EML1: variants seen among roughly 807,000 people sequenced by gnomAD.
The protein encoded by EML1 is EMAP like 1, also known as echinoderm microtubule-associated protein-like 1.
Under a neutral mutation model 110.4 loss-of-function variants are expected in EML1, and 27 were observed. The ratio of observed to expected loss-of-function variants is 0.24; its 90% CI spans 0.18 to 0.34. EML1 has a LOEUF of 0.34. Among genes scored for constraint, EML1 ranks in the 10% least tolerant of loss-of-function variants. EML1 has a pLI of 1.00. For synonymous variants in EML1, 344 were observed against 385.8 expected, an observed-to-expected ratio of 0.89 and a Z score of 1.27; for missense variants, 741 against 1,030.9, an observed-to-expected ratio of 0.72 and a Z score of 3.85.
At chr14:99,773,856 C>T (rs1268991826) in exon 1 of EML1, 1 of 152,272 alleles carries the variant, frequency 6.6e-6, no homozygotes, top group Non-Finnish European at 1.5e-5. Context: ...TTGGAAATCC[C>T]CAGCCCATCT....
intron 1 of EML1, among the ~76,000 whole-genome samples, chr14:99,824,337 A>T (rs1216910550): frequency 1.3e-5 from 2 of 152,120 alleles, no homozygotes; most frequent in African/African-American, 4.8e-5. Context: ...TGTCTTATTT[A>T]TTTATTTTTT....
intron 16 of EML1, 73 bp from the exon 17 acceptor site, chr14:99,920,716 T>C: frequency 8.6e-7 from 1 of 1,163,946 alleles, no homozygotes; most frequent in Non-Finnish European, 1.2e-6. Flanking sequence ...ACAATTTTTA[T>C]TCATCCCACT....
intron 2 of EML1, among the ~76,000 whole-genome samples, chr14:99,862,487 C>T (rs1250130088): frequency 6.6e-6 from 1 of 152,196 alleles, no homozygotes; most frequent in Non-Finnish European, 1.5e-5. Context: ...CAGAATACAG[C>T]TGTATGGGGA....
At position 99,839,307 on chromosome 14, in the gene EML1, G is replaced by A. The variant is rs887487538; in HGVS notation, c.68-11546G>A. On this transcript the variant is annotated intron_variant, in intron 1 of 21. Transcript: ENST00000262233. ...TGGCATATAACAGTTGGGGCAGGGT[G>A]GGGGCTATTGATTTGATCCCTCATC... is the stretch of plus-strand genomic sequence containing the variant. 2.0e-5 allele frequency among the ~76,000 whole-genome samples: 3 copies of A among 152,090 alleles called. No individual in the cohort carries two copies. In the South Asian group the frequency reaches 6.2e-4, roughly 32 times the overall value.
chr14:99,779,720 G>A (rs947422807), intron 1 of EML1, among the ~76,000 whole-genome samples: 17 of 152,222 alleles, frequency 1.1e-4, no homozygotes, highest in African/African-American at 2.9e-4. Flanking sequence ...AGAGCTGAGG[G>A]TAGGAAGGGG....
intron 1 of EML1, among the ~76,000 whole-genome samples, chr14:99,839,447 G>A (rs747277497): frequency 6.6e-6 from 1 of 152,180 alleles, no homozygotes; most frequent in Non-Finnish European, 1.5e-5. Context: ...CCAGAAGGAT[G>A]CTCAATATCA....
At chr14:99,822,672 G>A (rs2058284286) in intron 1 of EML1, among the ~76,000 whole-genome samples, 1 of 152,046 alleles carries the variant, frequency 6.6e-6, no homozygotes, top group Admixed American at 6.6e-5. Flanking sequence ...ACTGGGACTT[G>A]CAGAGCCAGT....
chr14:99,752,831 A>T (rs1056282870), intron 1 of EML1, among the ~76,000 whole-genome samples: 2 of 152,170 alleles, frequency 1.3e-5, no homozygotes, highest in Non-Finnish European at 2.9e-5. Context: ...AATACACATT[A>T]AAAAATACAC....
intron 3 of EML1, among the ~76,000 whole-genome samples, chr14:99,874,778 A>T (rs1220219226): frequency 1.3e-5 from 2 of 152,228 alleles, no homozygotes; most frequent in Non-Finnish European, 2.9e-5. Flanking sequence ...GTTGTGAAGG[A>T]TTATATCCAC....
At chr14:99,917,678 A>C in intron 15 of EML1, 104 bp from the exon 16 acceptor site, 1 of 1,121,828 alleles carries the variant, frequency 8.9e-7, no homozygotes, top group Non-Finnish European at 1.3e-6. Flanking sequence ...GCCCTAAGGA[A>C]TTAGAAGTGT....
intron 1 of EML1, among the ~76,000 whole-genome samples, chr14:99,751,071 A>G (rs2057169547): frequency 6.6e-6 from 1 of 152,122 alleles, no homozygotes; most frequent in African/African-American, 2.4e-5. Flanking sequence ...AATTAAAAGA[A>G]ACTACCCAAG....
intron 9 of EML1, chr14:99,907,412 G>C: frequency 1.9e-6 from 1 of 537,362 alleles, no homozygotes; most frequent in South Asian, 2.4e-5. Context: ...AGGGTGCAGA[G>C]AGCAATGATT....
intron 1 of EML1, among the ~76,000 whole-genome samples, chr14:99,798,392 C>CTTT (rs374969316): frequency 4.6e-5 from 6 of 131,032 alleles, no homozygotes; most frequent in African/African-American, 1.2e-4. Context: ...AAAGTCTATA[C>CTTT]TTTTTTTTTT....
chr14:99,919,263 C>G (rs2060086136), intron 16 of EML1, among the ~76,000 whole-genome samples: 1 of 152,172 alleles, frequency 6.6e-6, no homozygotes, highest in African/African-American at 2.4e-5. Flanking sequence ...AAGCGTAGCA[C>G]TTAAATTCTG....
intron 1 of EML1, among the ~76,000 whole-genome samples, chr14:99,813,687 G>A (rs1441217771): frequency 6.6e-6 from 1 of 152,116 alleles, no homozygotes; most frequent in African/African-American, 2.4e-5. Flanking sequence ...CAGCCTGGGA[G>A]GCAGAGCAAG....
rs2057993823 is a variant in EML1, at chr14:99,807,268, G to C, written c.67+13725G>C. Among the ~76,000 whole-genome samples the C allele has an allele frequency of 3.3e-5, 5 of 152,326 alleles. No individual in the cohort carries two copies. In the South Asian group the frequency reaches 1.0e-3, roughly 32 times the overall value. ...TAGGCTTTGGAGACAGACACATCTG[G>C]GTTGCAGCCTTGATTCTGCTGTTCA... On this transcript the variant is annotated intron_variant, in intron 1 of 21. Transcript: ENST00000262233.
rs117115708 is a variant in EML1 at position 99,930,784 on chromosome 14, A to G, written c.1910-5245A>G. ...AGAAATAGGAAGAAAATAACTTCCT[A>G]TTTATTAAGCCCAACTGCAGATCCT... On this transcript the variant is annotated intron_variant, in intron 17 of 21. Transcript: ENST00000262233. Among the ~76,000 whole-genome samples the G allele has an allele frequency of 6.8e-3, 1,035 of 152,308 alleles. 11 individuals carry two copies. Among genetic ancestry groups the G allele is most frequent in the East Asian group, 0.028 (147 of 5,190 alleles).
At chr14:99,750,530 G>C (rs2057164072) in intron 1 of EML1, among the ~76,000 whole-genome samples, 1 of 152,190 alleles carries the variant, frequency 6.6e-6, no homozygotes, top group African/African-American at 2.4e-5. Context: ...ACCTCTCTGG[G>C]CCTTTGTATC....
At chr14:99,836,177 T>C (rs1464890192) in intron 1 of EML1, among the ~76,000 whole-genome samples, 1 of 150,526 alleles carries the variant, frequency 6.6e-6, no homozygotes, top group East Asian at 1.9e-4. Context: ...GGAATATATC[T>C]CCGTTTCTTT....
Sources: gnomAD v4.1 joint callset for allele counts (sites outside exome capture counted in the v4.1 genomes callset) on GRCh38, gnomAD v4.1.1 for gene constraint, MANE v1.5 for transcripts, NCBI Gene and HGNC (gene_info 2026-07-23, HGNC 2026-07-21) for gene names.